Variants in LGR5 observed in about 807,000 individuals in gnomAD.
LGR5 encodes the protein leucine rich repeat containing G protein-coupled receptor 5, also known as leucine-rich repeat-containing G protein-coupled receptor 5.
Under a neutral mutation model 76.7 loss-of-function variants are expected in LGR5, and 54 were observed. The ratio of observed to expected loss-of-function variants is 0.70; its 90% confidence interval spans 0.57 to 0.88. The LOEUF (loss-of-function observed/expected upper bound fraction) is 0.88, where lower values mean the gene tolerates loss of function less well. Ranked by LOEUF, LGR5 falls within the 40% of genes least tolerant of loss-of-function variation. The pLI is 0.00. For missense variants in LGR5, 1,078 were observed against 1,073.3 expected (o/e 1.00, Z -0.06); for synonymous variants, 406 against 421.9 (o/e 0.96, Z 0.46).
At chr12:71,490,701 A>T (rs1200601387) in intron 1 of LGR5, among the ~76,000 whole-genome samples, 1 of 152,180 alleles carries the variant, frequency 6.6e-6, no homozygotes, top group Non-Finnish European at 1.5e-5. Context: ...GGAGACTCTA[A>T]TAAGCAATCA....
At chr12:71,508,494 A>G (rs1874971532) in intron 2 of LGR5, among the ~76,000 whole-genome samples, 1 of 151,996 alleles carries the variant, frequency 6.6e-6, no homozygotes, top group Non-Finnish European at 1.5e-5. Context: ...AGGGGCTCAC[A>G]CCTGTAATCC....
At chr12:71,451,576 C>T (rs1257506455) in intron 1 of LGR5, among the ~76,000 whole-genome samples, 3 of 152,080 alleles carry the variant, frequency 2.0e-5, no homozygotes. Flanking sequence ...TTCTGTAACC[C>T]CACATTTTAG....
At chr12:71,476,455 T>G (rs1378072299) in intron 1 of LGR5, among the ~76,000 whole-genome samples, 2 of 152,184 alleles carry the variant, frequency 1.3e-5, no homozygotes, top group Non-Finnish European at 2.9e-5. Flanking sequence ...AAAGGAACTG[T>G]GCCTAACTGG....
intron 2 of LGR5, among the ~76,000 whole-genome samples, chr12:71,505,938 T>C (rs1874833532): frequency 6.6e-6 from 1 of 152,182 alleles, no homozygotes; most frequent in South Asian, 2.1e-4. Flanking sequence ...TGCTAAGATT[T>C]AACCTTCATA....
intron 1 of LGR5, among the ~76,000 whole-genome samples, chr12:71,444,434 G>C (rs1157966612): frequency 6.6e-6 from 1 of 151,998 alleles, no homozygotes; most frequent in Admixed American, 6.5e-5. Flanking sequence ...TTTTAAAGTA[G>C]TGAGCTCATT....
At chr12:71,490,145 C>T (rs1298437459) in intron 1 of LGR5, among the ~76,000 whole-genome samples, 1 of 149,132 alleles carries the variant, frequency 6.7e-6, no homozygotes, top group East Asian at 2.0e-4. Flanking sequence ...AAAAAAAAAA[C>T]CCATAAAAAT....
intron 1 of LGR5, among the ~76,000 whole-genome samples, chr12:71,485,827 G>A (rs1395236042): frequency 2.0e-5 from 3 of 151,014 alleles, no homozygotes; most frequent in Non-Finnish European, 2.9e-5. Context: ...CTGCAGTGGT[G>A]CAATCTCGGC....
rs768501391 is a variant in LGR5, at chr12:71,524,399, C to T, written c.285-7C>T. 2 of 1,608,282 alleles carry T rather than the reference C, an allele frequency of 1.2e-6. No individual in the cohort carries two copies. Among genetic ancestry groups the T allele is most frequent in the African/African-American group, 2.7e-5 (2 of 74,698 alleles). On this transcript the variant is annotated splice_region_variant and splice_polypyrimidine_tract_variant and intron_variant, in intron 2 of 17. Transcript: ENST00000266674. ...TCACTCTCTCTCCTCTCCATTGAAA[C>T]CCACAGACGTCTTGCGGGAAACGCT...
At chr12:71,557,059 G>A (rs556614417) in intron 6 of LGR5, among the ~76,000 whole-genome samples, 36 of 152,300 alleles carry the variant, frequency 2.4e-4, no homozygotes, top group African/African-American at 6.0e-4. Context: ...CAATGCCTGC[G>A]TCTTCAATCT....
intron 11 of LGR5, among the ~76,000 whole-genome samples, chr12:71,570,741 A>G (rs1023691799): frequency 1.3e-5 from 2 of 152,192 alleles, no homozygotes; most frequent in African/African-American, 4.8e-5. Context: ...GTGATCAATT[A>G]TAAGACTAAT....
chr12:71,574,442 C>G (rs556326200), intron 13 of LGR5, among the ~76,000 whole-genome samples: 11 of 152,046 alleles, frequency 7.2e-5, no homozygotes, highest in Non-Finnish European at 1.2e-4. Flanking sequence ...CAAACTGTGC[C>G]AACTCCAATT....
In LGR5 at chr12:71,540,295, G is replaced by A. The variant is rs146677618; in HGVS notation, c.428+5109G>A. 3.4e-3 allele frequency among the ~76,000 whole-genome samples: 525 copies of A among 152,242 alleles called. 4 individuals are homozygous for A. The highest frequency in any genetic ancestry group is 0.011 in the African/African-American group (466 of 41,542). On this transcript the variant is annotated intron_variant, in intron 4 of 17. Transcript: ENST00000266674. ...ACCAGAGTACTATTTAATGCCTGTT[G>A]GTTTTTATTCCAAGTGTGCACAAGT...
At chr12:71,541,744 C>T (rs1339576862) in intron 4 of LGR5, among the ~76,000 whole-genome samples, 3 of 152,162 alleles carry the variant, frequency 2.0e-5, no homozygotes, top group Non-Finnish European at 4.4e-5. Context: ...CTCCTTAGTA[C>T]TGAGGAAGCA....
chr12:71,474,193 T>C (rs1343001869), intron 1 of LGR5, among the ~76,000 whole-genome samples: 1 of 152,122 alleles, frequency 6.6e-6, no homozygotes, highest in Admixed American at 6.5e-5. Context: ...GCAGGACTTA[T>C]CAACTAATAA....
intron 1 of LGR5, among the ~76,000 whole-genome samples, chr12:71,461,171 C>T (rs1048058918): frequency 1.3e-5 from 2 of 152,174 alleles, no homozygotes; most frequent in Non-Finnish European, 2.9e-5. Context: ...TGCCCTGCCC[C>T]CTTCCCTCAT....
chr12:71,527,817 G>A (rs1173740338), intron 3 of LGR5, among the ~76,000 whole-genome samples: 1 of 152,150 alleles, frequency 6.6e-6, no homozygotes, highest in Admixed American at 6.5e-5. Flanking sequence ...CAGCAATGTT[G>A]GTTCTGCCTG....
At chr12:71,536,285 T>C (rs887416288) in intron 4 of LGR5, among the ~76,000 whole-genome samples, 1 of 152,234 alleles carries the variant, frequency 6.6e-6, no homozygotes, top group South Asian at 2.1e-4. Context: ...CGAGGTAACA[T>C]AGAAGGAGGA....
chr12:71,536,347 A>G (rs964805745), intron 4 of LGR5, among the ~76,000 whole-genome samples: 1 of 152,152 alleles, frequency 6.6e-6, no homozygotes, highest in South Asian at 2.1e-4. Context: ...TTTCTTTTTA[A>G]TGAAAGAAAA....
intron 1 of LGR5, among the ~76,000 whole-genome samples, chr12:71,497,492 A>G (rs1430940165): frequency 1.3e-5 from 2 of 152,202 alleles, no homozygotes; most frequent in East Asian, 1.9e-4. Flanking sequence ...TCTTAAGGAT[A>G]CAGTGTTTTG....
Sources: allele counts gnomAD v4.1 joint callset (sites outside exome capture counted in the v4.1 genomes callset), GRCh38; gene constraint gnomAD v4.1.1; transcripts MANE v1.5; gene names NCBI Gene and HGNC (gene_info 2026-07-23, HGNC 2026-07-21).